The following CDK18 variants were observed in gnomAD, a reference collection of about 807,000 sequenced individuals.
The protein encoded by CDK18 is cyclin dependent kinase 18, also known as cyclin-dependent kinase 18.
In CDK18, 52 loss-of-function variants were observed where a neutral mutation model predicts 62.0. That is an observed-to-expected ratio of 0.84 (90% CI 0.67 to 1.06). The LOEUF is 1.06. Among genes scored for constraint, CDK18 ranks in the 50% least tolerant of loss-of-function variants. CDK18 has a pLI of 0.00. For missense variants in CDK18, 604 were observed against 619.9 expected (o/e 0.97, Z 0.27); for synonymous variants, 237 against 247.0 (o/e 0.96, Z 0.38).
intron 1 of CDK18, among the ~76,000 whole-genome samples, chr1:205,507,556 C>G (rs1667366415): frequency 7.0e-6 from 1 of 142,364 alleles, no homozygotes; most frequent in Non-Finnish European, 1.5e-5. Context: ...ATGGCGTGAA[C>G]CCGGGAGGCG....
intron 4 of CDK18, 96 bp from the exon 5 acceptor site, chr1:205,525,042 TC>T: frequency 1.4e-6 from 1 of 722,040 alleles, no homozygotes; most frequent in South Asian, 1.9e-5. Context: ...TGGAGTCTCA[TC>T]CCTTCCCTCC....
At chr1:205,512,103 G>C (rs1667591420) in intron 1 of CDK18, among the ~76,000 whole-genome samples, 1 of 152,156 alleles carries the variant, frequency 6.6e-6, no homozygotes, top group Non-Finnish European at 1.5e-5. Flanking sequence ...CACAGGCAGG[G>C]TGCCCAGAAG....
chr1:205,507,633 CAAAAAAAAAAAA>C lies in CDK18; in HGVS notation c.-22+2856_-22+2867del, dbSNP rs56313401. ...TGGGCGACAGAGCGAGACTCCGTCT[CAAAAAAAAAAAA>C]AAAAAAAAAAAAAAAAAATAATGCA... On this transcript the variant is annotated intron_variant, in intron 1 of 15. Coordinates refer to ENST00000429964, the MANE Select transcript of CDK18 (RefSeq NM_212502.3). Among the ~76,000 whole-genome samples the C allele has an allele frequency of 2.2e-4, 16 of 72,200 alleles. No homozygotes were observed. In the East Asian group the frequency reaches 5.5e-3, roughly 25 times the overall value. The allele number at this position is 72,200 out of a possible 152,430, so 47.4% of individuals were successfully genotyped here. A position where few individuals can be genotyped will look rare whatever the true frequency, so the allele number is the denominator to read the frequency against.
intron 3 of CDK18, 96 bp from the exon 4 acceptor site, chr1:205,524,135 CA>C: frequency 7.0e-7 from 1 of 1,420,668 alleles, no homozygotes; most frequent in Admixed American, 1.7e-5. Context: ...GGTTGTTCTG[CA>C]GGGAACGCTA....
rs1475830914 is a variant in CDK18 at position 205,524,327 on chromosome 1, G to A, written c.369G>A (p.Pro123=). The A allele has an allele frequency of 1.1e-5, 18 of 1,614,032 alleles. No individual in the cohort carries two copies. Among genetic ancestry groups the A allele is most frequent in the African/African-American group, 9.3e-5 (7 of 74,930 alleles). ...TGGAGAGCCCAGATCTGCCCAAGCC[G>A]CTCAGCCGCATGTCCCGCCGGGCCT... is the stretch of plus-strand genomic sequence containing the variant. The part of the protein sequence containing the change: ...LQMESPDLPK[P]LSRMSRRASL... The change falls in exon 4 of 16, where the codon CCG becomes CCA. Residue 123 remains proline (P), a synonymous_variant. Coordinates refer to ENST00000429964, the MANE Select transcript of CDK18 (RefSeq NM_212502.3).
chr1:205,523,644 C>A lies in CDK18; in HGVS notation c.273+19C>A. On this transcript the variant is annotated intron_variant, in intron 3 of 15. Transcript: ENST00000429964. ...CATGGAGGTAAGGGCCTCTGGAGCT[C>A]TGCCCCGGCAGGTGGCAGGATGCAC... The A allele has an allele frequency of 6.4e-7, 1 of 1,558,826 alleles. No individual in the cohort carries two copies. The highest frequency in any genetic ancestry group is 8.7e-7 in the Non-Finnish European group (1 of 1,151,116).
intron 1 of CDK18, among the ~76,000 whole-genome samples, chr1:205,509,861 C>T (rs1667481737): frequency 6.6e-6 from 1 of 152,144 alleles, no homozygotes; most frequent in African/African-American, 2.4e-5. Context: ...AGGTGGATCA[C>T]CTGAGGTCAG....
Position 205,526,409 on chromosome 1 carries a change from T to C in CDK18, c.614T>C (p.Leu205Pro). 6.2e-7 allele frequency: 1 copy of C among 1,614,156 alleles called. No individual in the cohort carries two copies. Among genetic ancestry groups the C allele is most frequent in the Non-Finnish European group, 8.5e-7 (1 of 1,180,006 alleles). Residue 205 changes from leucine to proline, a missense_variant, in exon 7 of 16, where the codon CTG (leucine) becomes CCG (proline). Physicochemically the swap from Leu to Pro is moderately conservative, Grantham distance 98. Coordinates refer to ENST00000429964, the MANE Select transcript of CDK18 (RefSeq NM_212502.3). Reference protein sequence around the residue: ...KNLKHANIVTLHDLIHTDRSL... With the variant: ...KNLKHANIVTPHDLIHTDRSL... ...CTGAAGCACGCCAATATTGTGACCC[T>C]GCATGACCTCATCCACACAGATCGG...
rs765487740 is a variant in CDK18 at position 205,525,157 on chromosome 1, A to C, written c.418A>C (p.Lys140Gln). 1 of 1,608,808 alleles carries C rather than the reference A, an allele frequency of 6.2e-7. No homozygotes were observed. ...CTCTCAGTCAGACATTGGCTTTGGG[A>C]AACTGGAAACATACGTGAAACTGGA... ...RASLSDIGFG[K>Q]LETYVKLDKL... is the part of the protein sequence containing the mutation. The change falls in exon 5 of 16, where the codon AAA becomes CAA. Residue 140 changes from lysine (K) to glutamine (Q), a missense_variant. Lys to Gln is a moderately conservative substitution (Grantham distance 53). Coordinates refer to ENST00000429964, the MANE Select transcript of CDK18 (RefSeq NM_212502.3).
intron 1 of CDK18, among the ~76,000 whole-genome samples, chr1:205,505,119 G>T (rs538889950): frequency 2.8e-4 from 43 of 152,228 alleles, no homozygotes; most frequent in Non-Finnish European, 6.0e-4. Context: ...CTCCATCTGG[G>T]ATCACTTTGG....
At position 205,526,045 on chromosome 1, in the gene CDK18, G is replaced by A. The variant is rs537796194; in HGVS notation, c.457-20G>A. The A allele has an allele frequency of 3.8e-6, 6 of 1,579,130 alleles. No homozygotes were observed. Among genetic ancestry groups the A allele is most frequent in the South Asian group, 2.3e-5 (2 of 88,678 alleles). On this transcript the variant is annotated intron_variant, in intron 5 of 15. Coordinates refer to ENST00000429964, the MANE Select transcript of CDK18 (RefSeq NM_212502.3). ...GCAGCACCTGAATGCGCCTGGGGCC[G>A]CTGTGGCCCTCCATCCCAGGGCACC...
intron 1 of CDK18, among the ~76,000 whole-genome samples, chr1:205,513,061 G>A (rs4074998): frequency 0.32 from 49,167 of 152,112 alleles, 8,264 homozygotes; most frequent in East Asian, 0.57. Flanking sequence ...AATTTATTGT[G>A]TAAAAGATGG....
At chr1:205,505,087 A>C (rs1419486816) in intron 1 of CDK18, among the ~76,000 whole-genome samples, 1 of 151,400 alleles carries the variant, frequency 6.6e-6, no homozygotes, top group East Asian at 1.9e-4. Flanking sequence ...GCAATCTCAG[A>C]CCCCGCGCCC....
At position 205,530,696 on chromosome 1, in the gene CDK18, C is replaced by T. The variant is rs543907598; in HGVS notation, c.1381C>T (p.Gln461Ter). Reference sequence around the variant, plus strand: ...CCCAGGCTACCGAGGCTTGGCCTTCCAGCAGCCAGGTAGGGGCTTGTGCTC... The same window carrying T: ...CCCAGGCTACCGAGGCTTGGCCTTCTAGCAGCCAGGTAGGGGCTTGTGCTC... Reference protein sequence around the residue: ...KDPGYRGLAFQQPGRGKNRRQ... With the variant: ...KDPGYRGLAF Residue 461 changes from glutamine (Q) to a stop codon, truncating the protein, a stop_gained, in exon 15 of 16, where the codon CAG becomes TAG. Transcript: ENST00000429964. LOFTEE classifies it high-confidence loss of function. 1 of 1,613,654 alleles carries T rather than the reference C, an allele frequency of 6.2e-7. No individual in the cohort carries two copies. The highest frequency in any genetic ancestry group is 1.3e-5 in the African/African-American group (1 of 75,042).
At chr1:205,523,892 T>C (rs1026764292) in intron 3 of CDK18, among the ~76,000 whole-genome samples, 2 of 152,256 alleles carry the variant, frequency 1.3e-5, no homozygotes, top group African/African-American at 4.8e-5. Context: ...AATTTGACTA[T>C]TTGATCCACA....
At chr1:205,506,575 TATC>T (rs1667316023) in intron 1 of CDK18, among the ~76,000 whole-genome samples, 3 of 152,226 alleles carry the variant, frequency 2.0e-5, no homozygotes, top group African/African-American at 4.8e-5. Context: ...TAGGTATTAT[TATC>T]ATCCCCATTT....
chr1:205,526,992 C>A, intron 8 of CDK18, 155 bp downstream of exon 8: 1 of 651,160 alleles, frequency 1.5e-6, no homozygotes. Context: ...TCAACGAGTC[C>A]AGGAACTGGG....
rs1255407489 is a variant in CDK18 at position 205,529,148 on chromosome 1, C to T, written c.1072+52C>T. On this transcript the variant is annotated intron_variant, in intron 11 of 15. Transcript: ENST00000429964. ...TCACCACCAGGGGGCGCCGGAACTC[C>T]TCCAGCCCAGGCGCGGAGCGGGACG... is the stretch of plus-strand genomic sequence containing the variant. 4 of 1,487,872 alleles carry T rather than the reference C, an allele frequency of 2.7e-6. No individual in the cohort carries two copies. The African/African-American group carries it at 4.2e-5, about 16-fold the overall frequency. The allele number at this position is 1,487,872 out of a possible 1,614,324, so 92.2% of individuals were successfully genotyped here.
chr1:205,524,770 C>T (rs908694089), intron 4 of CDK18, among the ~76,000 whole-genome samples: 1 of 152,204 alleles, frequency 6.6e-6, no homozygotes, highest in East Asian at 1.9e-4. Flanking sequence ...TACACCTGAG[C>T]TAGAAGTGCG....
Sources: gnomAD v4.1 joint callset for allele counts (sites outside exome capture counted in the v4.1 genomes callset) on GRCh38, gnomAD v4.1.1 for gene constraint, MANE v1.5 for transcripts, NCBI Gene and HGNC (gene_info 2026-07-23, HGNC 2026-07-21) for gene names.